Variants in IL1RL2 observed in about 807,000 individuals in gnomAD.
IL1RL2 encodes interleukin 1 receptor like 2.
A neutral mutation model predicts 66.8 loss-of-function variants in IL1RL2; 68 were observed. The ratio of observed to expected loss-of-function variants is 1.02; its 90% CI spans 0.84 to 1.25. The LOEUF (loss-of-function observed/expected upper bound fraction) is 1.25, where lower values mean the gene tolerates loss of function less well. IL1RL2 is among the 50% of genes most tolerant of loss of function. The pLI, the probability that IL1RL2 is intolerant of heterozygous loss-of-function variation, is 0.00. For missense variants in IL1RL2, 729 were observed against 709.3 expected, an observed-to-expected ratio of 1.03 and a Z score of -0.32; for synonymous variants, 305 against 264.6, an observed-to-expected ratio of 1.15 and a Z score of -1.48.
intron 4 of IL1RL2, among the ~76,000 whole-genome samples, chr2:102,195,334 A>G (rs72820140): frequency 6.6e-6 from 1 of 152,140 alleles, no homozygotes; most frequent in Non-Finnish European, 1.5e-5. Flanking sequence ...AAGTAAAAAG[A>G]CCTTTTTTCC....
At chr2:102,224,354 T>C (rs1012761591) in intron 8 of IL1RL2, among the ~76,000 whole-genome samples, 2 of 152,210 alleles carry the variant, frequency 1.3e-5, no homozygotes, top group African/African-American at 2.4e-5. Flanking sequence ...AAAGAAATTC[T>C]GTCATAGATG....
At chr2:102,202,735 T>A (rs1271505251) in intron 5 of IL1RL2, among the ~76,000 whole-genome samples, 1 of 152,258 alleles carries the variant, frequency 6.6e-6, no homozygotes, top group Non-Finnish European at 1.5e-5. Flanking sequence ...GCTGATTTTG[T>A]ATCCAGCAAC....
At position 102,225,925 on chromosome 2, in the gene IL1RL2, G is replaced by T. The variant is rs1249984786; in HGVS notation, c.1019G>T (p.Gly340Val). 6.3e-7 allele frequency: 1 copy of T among 1,598,308 alleles called. No homozygotes were observed. ...CCGGATTTTCGAGCTTACTTGATAG[G>T]AGGGCTTATCGCCTTGGTGGCTGTG... The part of the protein sequence containing the change: ...PAPDFRAYLI[G>V]GLIALVAVAV... The change falls in exon 9 of 12, where the codon GGA (glycine) becomes GTA (valine). Residue 340 changes from glycine (G) to valine (V), a missense_variant. Transcript: ENST00000264257.
intron 11 of IL1RL2, chr2:102,235,484 G>T: frequency 1.0e-6 from 1 of 985,460 alleles, no homozygotes; most frequent in Non-Finnish European, 1.2e-6. Flanking sequence ...CACGGCTTCT[G>T]CAGAAGGCCC....
At position 102,212,186 on chromosome 2, in the gene IL1RL2, T is replaced by A; in HGVS notation, c.724+12T>A. 6.3e-7 allele frequency: 1 copy of A among 1,579,026 alleles called. No homozygotes were observed. Among genetic ancestry groups the A allele is most frequent in the Admixed American group, 1.7e-5 (1 of 59,950 alleles). ...TGAAGTACAGCTTGGTGAGTAAAATTATTGAAGCCATTGAAATCACCAGGG... is the reference window on the plus strand; with the variant it reads ...TGAAGTACAGCTTGGTGAGTAAAATAATTGAAGCCATTGAAATCACCAGGG... On this transcript the variant is annotated intron_variant, in intron 6 of 11. Coordinates refer to ENST00000264257, the MANE Select transcript of IL1RL2 (RefSeq NM_003854.4).
chr2:102,187,199 C>A, intron 1 of IL1RL2, 113 bp downstream of exon 1: 1 of 1,213,018 alleles, frequency 8.2e-7, no homozygotes. Flanking sequence ...GGCCAGGGAT[C>A]AGGCCCCCCA....
chr2:102,233,239 A>G (rs1691304732), intron 10 of IL1RL2, 115 bp downstream of exon 10: 3 of 1,044,646 alleles, frequency 2.9e-6, no homozygotes, highest in Admixed American at 2.4e-5. Context: ...AACCACAGAG[A>G]GTCTATGACC....
At chr2:102,224,748 G>T (rs1334226456) in intron 8 of IL1RL2, among the ~76,000 whole-genome samples, 2 of 152,198 alleles carry the variant, frequency 1.3e-5, no homozygotes, top group East Asian at 3.9e-4. Flanking sequence ...CCAGCACAAA[G>T]AAATGATGAA....
intron 9 of IL1RL2, among the ~76,000 whole-genome samples, chr2:102,226,338 C>T (rs1049307738): frequency 2.0e-5 from 3 of 152,168 alleles, no homozygotes; most frequent in East Asian, 1.9e-4. Flanking sequence ...GTCCATCCTC[C>T]GTCCACTGCG....
intron 5 of IL1RL2, among the ~76,000 whole-genome samples, chr2:102,206,720 A>G (rs1688735432): frequency 6.6e-6 from 1 of 152,068 alleles, no homozygotes; most frequent in African/African-American, 2.4e-5. Context: ...GGCCTGCTTT[A>G]CCCACTCCCT....
intron 8 of IL1RL2, among the ~76,000 whole-genome samples, chr2:102,223,206 C>T (rs1206305850): frequency 6.6e-6 from 1 of 152,162 alleles, no homozygotes; most frequent in Non-Finnish European, 1.5e-5. Flanking sequence ...TCCTGAGTTC[C>T]TAGGAACTTC....
At chr2:102,214,114 A>C (rs1039951752) in intron 6 of IL1RL2, among the ~76,000 whole-genome samples, 2 of 152,228 alleles carry the variant, frequency 1.3e-5, no homozygotes, top group Non-Finnish European at 2.9e-5. Context: ...TAGTCTTAAA[A>C]GACAAATTTG....
chr2:102,232,715 G>T (rs1490407372), intron 9 of IL1RL2, among the ~76,000 whole-genome samples: 1 of 152,176 alleles, frequency 6.6e-6, no homozygotes, highest in African/African-American at 2.4e-5. Context: ...GATTGCAGAT[G>T]TGATGCAGCC....
At chr2:102,224,245 A>C (rs772995321) in intron 8 of IL1RL2, among the ~76,000 whole-genome samples, 2 of 152,254 alleles carry the variant, frequency 1.3e-5, no homozygotes, top group Non-Finnish European at 2.9e-5. Context: ...GGACATTAGC[A>C]TATTAAAGAG....
chr2:102,196,212 T>A (rs924415600), intron 4 of IL1RL2, among the ~76,000 whole-genome samples: 1 of 152,192 alleles, frequency 6.6e-6, no homozygotes, highest in Non-Finnish European at 1.5e-5. Context: ...ATTCTGATGT[T>A]CAGCCTCACC....
At chr2:102,193,074 A>G (rs7599472) in intron 4 of IL1RL2, among the ~76,000 whole-genome samples, 23,647 of 152,166 alleles carry the variant, frequency 0.16, 2,293 homozygotes, top group Admixed American at 0.29. Context: ...GTGCACACAC[A>G]CACACACTTA....
intron 6 of IL1RL2, among the ~76,000 whole-genome samples, chr2:102,216,105 G>C (rs532974381): frequency 2.0e-5 from 3 of 152,258 alleles, no homozygotes; most frequent in East Asian, 3.9e-4. Context: ...AGGAAACCCA[G>C]CTAGATACAA....
chr2:102,208,978 C>A (rs1688933634), intron 5 of IL1RL2, among the ~76,000 whole-genome samples: 1 of 152,138 alleles, frequency 6.6e-6, no homozygotes, highest in South Asian at 2.1e-4. Context: ...GGCCCTGAGC[C>A]CAGTGCCTGG....
chr2:102,212,342 C>T (rs1222665149), intron 6 of IL1RL2, among the ~76,000 whole-genome samples, 168 bp downstream of exon 6: 2 of 152,096 alleles, frequency 1.3e-5, no homozygotes, highest in Non-Finnish European at 2.9e-5. Context: ...AAATAAAACA[C>T]CAGAGAGCCG....
Sources: allele counts gnomAD v4.1 joint callset (sites outside exome capture counted in the v4.1 genomes callset), GRCh38; gene constraint gnomAD v4.1.1; transcripts MANE v1.5; gene names NCBI Gene and HGNC (gene_info 2026-07-23, HGNC 2026-07-21).